Variants in SELENOO observed in about 807,000 individuals in gnomAD.
SELENOO encodes protein adenylyltransferase SelO, mitochondrial.
Under a neutral mutation model 58.7 loss-of-function variants are expected in SELENOO, and 74 were observed. The observed-to-expected ratio is 1.26, with a 90% CI of 1.04 to 1.53. The LOEUF (loss-of-function observed/expected upper bound fraction) is 1.53. Among genes scored for constraint, SELENOO ranks in the 40% most tolerant of loss-of-function variants. The pLI, the probability that SELENOO is intolerant of heterozygous loss-of-function variation, is 0.00. For synonymous variants in SELENOO, 543 were observed against 453.2 expected (o/e 1.20, Z -2.52); for missense variants, 1,149 against 970.0 (o/e 1.18, Z -2.45).
Position 50,217,083 on chromosome 22 carries a change from C to G in SELENOO, c.1800C>G (p.Ile600Met). ...CGAAGTACGTGCTGAGGAACTACAT[C>G]GCGCAGAATGCCATCGAGGCTGCCG... ...NNPKYVLRNY[I>M]AQNAIEAAER... Residue 600 changes from isoleucine to methionine, a missense_variant, in exon 8 of 9, where the codon ATC (isoleucine) becomes ATG (methionine). By Grantham distance (10) the Ile-to-Met change is conservative (BLOSUM62 1). Coordinates refer to ENST00000380903, the MANE Select transcript of SELENOO (RefSeq NM_031454.2). 3 of 1,612,968 alleles carry G rather than the reference C, an allele frequency of 1.9e-6. No individual in the cohort carries two copies. The highest frequency in any genetic ancestry group is 2.5e-6 in the Non-Finnish European group (3 of 1,179,952).
In SELENOO at chr22:50,202,450, C is replaced by T. The variant is rs1404488736; in HGVS notation, c.554+860C>T. On this transcript the variant is annotated intron_variant, in intron 1 of 8. Coordinates refer to ENST00000380903, the MANE Select transcript of SELENOO (RefSeq NM_031454.2). ...GGCAACCTGGCTCTGGCTCTCCCTCCCCACCCCCAGCGACCTGCTTAGAGT... is the reference window on the plus strand; with the variant it reads ...GGCAACCTGGCTCTGGCTCTCCCTCTCCACCCCCAGCGACCTGCTTAGAGT... 3.3e-5 allele frequency among the ~76,000 whole-genome samples: 5 copies of T among 152,234 alleles called. No homozygotes were observed. The East Asian group carries it at 9.7e-4, about 29-fold the overall frequency.
In SELENOO at chr22:50,201,321, C is replaced by G; in HGVS notation, c.285C>G (p.Leu95=). Residue 95 remains leucine (L), a synonymous_variant, in exon 1 of 9, where the codon CTC becomes CTG. Coordinates refer to ENST00000380903, the MANE Select transcript of SELENOO (RefSeq NM_031454.2). ...CCACCCCGCTGCGGCAGCCGCGCCT[C>G]GTGGCGCTGTCAGAGCCCGCGCTGG... ...VQPTPLRQPR[L]VALSEPALAL... The G allele has an allele frequency of 2.6e-6, 3 of 1,140,700 alleles. No homozygotes were observed. Among genetic ancestry groups the G allele is most frequent in the Non-Finnish European group, 3.2e-6 (3 of 931,568 alleles). The allele number at this position is 1,140,700 out of a possible 1,614,324, so 70.7% of individuals were successfully genotyped here. A position where few individuals can be genotyped will look rare whatever the true frequency, so the allele number is the denominator to read the frequency against.
intron 5 of SELENOO, among the ~76,000 whole-genome samples, chr22:50,212,759 ACG>A (rs1470292249): frequency 3.5e-3 from 535 of 151,584 alleles, no homozygotes; most frequent in Admixed American, 3.9e-3. Context: ...AAGTGGAGTT[ACG>A]CAGCGTGCGC....
rs2064425560 is a variant in SELENOO, at chr22:50,217,229, G to A, written c.1870G>A (p.Glu624Lys). ...GGTGCGGCGGGTGCTGAAACTACTG[G>A]AGACCCCTTACCACTGCGAGGCGGG... ...SEVRRVLKLLETPYHCEAGAA... is the reference protein window; with the variant it reads ...SEVRRVLKLLKTPYHCEAGAA... Residue 624 changes from glutamate to lysine, a missense_variant, in exon 9 of 9, where the codon GAG (glutamate) becomes AAG (lysine). Coordinates refer to ENST00000380903, the MANE Select transcript of SELENOO (RefSeq NM_031454.2). 13 of 1,611,764 alleles carry A rather than the reference G, an allele frequency of 8.1e-6. No homozygotes were observed. The highest frequency in any genetic ancestry group is 4.0e-5 in the African/African-American group (3 of 75,012).
At position 50,210,844 on chromosome 22, in the gene SELENOO, C is replaced by T. The variant is rs56372991; in HGVS notation, c.1284C>T (p.Leu428=). ...YLQKMRRKLG[L]VQVELEEDGA... ...AGAAGATGCGCAGGAAGCTGGGCCTCGTGCAGGTGGAGCTGGAGGAAGACG... is the reference window on the plus strand; with the variant it reads ...AGAAGATGCGCAGGAAGCTGGGCCTTGTGCAGGTGGAGCTGGAGGAAGACG... The change falls in exon 5 of 9, where the codon CTC becomes CTT. Residue 428 remains leucine, a synonymous_variant. Coordinates refer to ENST00000380903, the MANE Select transcript of SELENOO (RefSeq NM_031454.2). 2.6e-3 allele frequency: 4,146 copies of T among 1,614,138 alleles called. 16 individuals are homozygous for T. Among genetic ancestry groups the T allele is most frequent in the South Asian group, 5.1e-3 (468 of 91,088 alleles).
intron 5 of SELENOO, among the ~76,000 whole-genome samples, chr22:50,214,814 CT>C (rs1434931853): frequency 6.6e-6 from 1 of 152,222 alleles, no homozygotes; most frequent in East Asian, 1.9e-4. Flanking sequence ...CCTCAGCTCT[CT>C]TTAGGTTACT....
chr22:50,216,656 G>A (rs932122036), intron 6 of SELENOO, 35 bp from the exon 7 acceptor site: 2 of 1,544,602 alleles, frequency 1.3e-6, no homozygotes, highest in African/African-American at 1.4e-5. Flanking sequence ...GACACGGTCA[G>A]GGGCTACCTC....
At chr22:50,210,510 A>G (rs2064361850) in intron 4 of SELENOO, 121 bp from the exon 5 acceptor site, 3 of 1,471,026 alleles carry the variant, frequency 2.0e-6, no homozygotes, top group Non-Finnish European at 2.8e-6. Context: ...CCCCTGTGGG[A>G]CAGGGCCAGA....
Position 50,217,197 on chromosome 22 carries a change from T to A in SELENOO, c.1846-8T>A, listed in dbSNP as rs1337383129. 1 of 1,611,944 alleles carries A rather than the reference T, an allele frequency of 6.2e-7. No individual in the cohort carries two copies. The highest frequency in any genetic ancestry group is 1.1e-5 in the South Asian group (1 of 91,022). On this transcript the variant is annotated splice_polypyrimidine_tract_variant and splice_region_variant and intron_variant, in intron 8 of 8. Transcript: ENST00000380903. ...CCCCAGACCCCTCTCACCCTCCTGA[T>A]CCTCCAGGTGCGGCGGGTGCTGAAA...
chr22:50,217,551 T>A lies in SELENOO; in HGVS notation c.*182T>A, dbSNP rs143516483. ...TGACCCGTCTCTGTCTGAGGCCGGC[T>A]CAGCAGTGCAGCCTGGTCCCTGGGG... is the stretch of plus-strand genomic sequence containing the variant. On this transcript the variant is annotated 3_prime_UTR_variant, in exon 9 of 9. Coordinates refer to ENST00000380903, the MANE Select transcript of SELENOO (RefSeq NM_031454.2). The A allele has an allele frequency of 6.2e-6, 6 of 969,598 alleles. No individual in the cohort carries two copies. In the East Asian group the frequency reaches 1.6e-4, roughly 26 times the overall value. The allele number at this position is 969,598 out of a possible 1,614,324, so 60.1% of individuals were successfully genotyped here.
In SELENOO at chr22:50,217,385, C is replaced by G. The variant is rs1226873769; in HGVS notation, c.*16C>G. ...ATCTTCGTAACGGCCTCGGCACGCT[C>G]CACACCCCTGGAGTCTCCCGAGGCC... On this transcript the variant is annotated 3_prime_UTR_variant, in exon 9 of 9. Transcript: ENST00000380903. 1.9e-6 allele frequency: 3 copies of G among 1,611,980 alleles called. No homozygotes were observed. The highest frequency in any genetic ancestry group is 2.2e-5 in the South Asian group (2 of 91,012).
At chr22:50,205,411 G>A (rs994756020) in intron 1 of SELENOO, among the ~76,000 whole-genome samples, 1 of 152,162 alleles carries the variant, frequency 6.6e-6, no homozygotes, top group African/African-American at 2.4e-5. Flanking sequence ...CATAAACCCC[G>A]TCTTTACAAA....
intron 3 of SELENOO, among the ~76,000 whole-genome samples, 179 bp from the exon 4 acceptor site, chr22:50,210,002 C>T (rs1187565623): frequency 2.0e-5 from 3 of 152,246 alleles, no homozygotes; most frequent in East Asian, 1.9e-4. Context: ...GTGCAACGCA[C>T]TCTTCATCGC....
In SELENOO at chr22:50,216,888, G is replaced by A. The variant is rs373990102; in HGVS notation, c.1688+12G>A. The A allele has an allele frequency of 9.8e-5, 158 of 1,605,278 alleles. 1 individual carries two copies. The highest frequency in any genetic ancestry group is 8.6e-4 in the South Asian group (78 of 91,030). On this transcript the variant is annotated intron_variant, in intron 7 of 8. Transcript: ENST00000380903. ...CTACAGGCGTACAGGTGAGCCCTGC[G>A]TCCATGGTCACCGGGGGACGGCGGG...
At chr22:50,204,757 A>C (rs976932644) in intron 1 of SELENOO, among the ~76,000 whole-genome samples, 1 of 152,210 alleles carries the variant, frequency 6.6e-6, no homozygotes, top group Non-Finnish European at 1.5e-5. Context: ...TAATTAAATC[A>C]CCACATGATT....
chr22:50,215,127 A>G lies in SELENOO; in HGVS notation c.1352-590A>G, dbSNP rs150740110. Among the ~76,000 whole-genome samples the G allele has an allele frequency of 2.1e-3, 325 of 152,274 alleles. 1 individual carries two copies. The highest frequency in any genetic ancestry group is 7.4e-3 in the African/African-American group (308 of 41,542). On this transcript the variant is annotated intron_variant, in intron 5 of 8. Coordinates refer to ENST00000380903, the MANE Select transcript of SELENOO (RefSeq NM_031454.2). Reference sequence around the variant, plus strand: ...TCTTAGGGTCACTGTGGTTTCAGACAGTGTTTTCCAGAGTCAGGGGGAGGA... The same window carrying G: ...TCTTAGGGTCACTGTGGTTTCAGACGGTGTTTTCCAGAGTCAGGGGGAGGA...
Position 50,217,470 on chromosome 22 carries a change from G to A in SELENOO, c.*101G>A, listed in dbSNP as rs1449754069. ...GCTGCCCTATACACTGGGGGATTCT[G>A]CCCTGGCCCATGCACACCCGTCTTT... On this transcript the variant is annotated 3_prime_UTR_variant, in exon 9 of 9. Coordinates refer to ENST00000380903, the MANE Select transcript of SELENOO (RefSeq NM_031454.2). 1 of 1,404,528 alleles carries A rather than the reference G, an allele frequency of 7.1e-7. No homozygotes were observed. Among genetic ancestry groups the A allele is most frequent in the Non-Finnish European group, 9.7e-7 (1 of 1,031,902 alleles). The allele number at this position is 1,404,528 out of a possible 1,614,324, so 87.0% of individuals were successfully genotyped here.
rs751453155 is a variant in SELENOO, at chr22:50,217,210, G to C, written c.1851G>C (p.Arg617=). ...TCACCCTCCTGATCCTCCAGGTGCG[G>C]CGGGTGCTGAAACTACTGGAGACCC... ...AAERGDFSEV[R]RVLKLLETPY... The change falls in exon 9 of 9, where the codon CGG becomes CGC. Residue 617 remains arginine, a synonymous_variant. Coordinates refer to ENST00000380903, the MANE Select transcript of SELENOO (RefSeq NM_031454.2). 9.9e-6 allele frequency: 16 copies of C among 1,611,050 alleles called. No individual in the cohort carries two copies. The African/African-American group carries it at 1.7e-4, about 17-fold the overall frequency.
In SELENOO at chr22:50,209,103, T is replaced by A. The variant is rs750055186; in HGVS notation, c.939+387T>A. On this transcript the variant is annotated intron_variant, in intron 3 of 8. Coordinates refer to ENST00000380903, the MANE Select transcript of SELENOO (RefSeq NM_031454.2). ...ACTGGGGAGATGCTGAGTGCCCACC[T>A]GGGGTCTGGGTCCCCGCCCCACGGA... 1.6e-3 allele frequency: 282 copies of A among 180,140 alleles called. 3 individuals are homozygous for A. Among genetic ancestry groups the A allele is most frequent in the Non-Finnish European group, 2.8e-3 (237 of 85,138 alleles). The allele number at this position is 180,140 out of a possible 1,614,324, so 11.2% of individuals were successfully genotyped here.
Sources: allele counts gnomAD v4.1 joint callset (sites outside exome capture counted in the v4.1 genomes callset), GRCh38; gene constraint gnomAD v4.1.1; transcripts MANE v1.5; gene names NCBI Gene and HGNC (gene_info 2026-07-23, HGNC 2026-07-21).